Variants in SP140 observed in about 807,000 individuals in gnomAD.
SP140 encodes nuclear body protein SP140.
In SP140, 81 loss-of-function variants were observed where a neutral mutation model predicts 125.0. The observed-to-expected ratio is 0.65, with a 90% CI of 0.54 to 0.78. SP140 has a LOEUF of 0.78. Among genes scored for constraint, SP140 ranks in the 30% least tolerant of loss-of-function variants. The pLI, the probability that SP140 is intolerant of heterozygous loss-of-function variation, is 0.00. For synonymous variants in SP140, 312 were observed against 354.0 expected (o/e 0.88, Z 1.33); for missense variants, 858 against 1,037.0 (o/e 0.83, Z 2.37).
rs2044522608 is a variant in SP140 at position 230,211,894 on chromosome 2, A to G, written c.-322-1760A>G. On this transcript the variant is annotated intron_variant, in intron 1 of 4. Coordinates refer to the SP140 transcript ENST00000456542. This position sits in a 1 kb window ranked among gnomAD's most constrained non-coding sequence, Gnocchi z 4.2. ...TTTTGACAATGCCCAATATCATACC[A>G]TTCTTACGTTTAATGTAATCAAACT... Among the ~76,000 whole-genome samples, 1 of 152,202 alleles carries G rather than the reference A, an allele frequency of 6.6e-6. No homozygotes were observed. Among genetic ancestry groups the G allele is most frequent in the Admixed American group, 6.5e-5 (1 of 15,276 alleles).
intron 3 of SP140, among the ~76,000 whole-genome samples, chr2:230,215,812 A>G (rs561322919): frequency 6.6e-6 from 1 of 152,336 alleles, no homozygotes; most frequent in Admixed American, 6.5e-5. Flanking sequence ...ATAAACACAA[A>G]TAAATACCCA....
intron 3 of SP140, chr2:230,220,161 T>C (rs1278516767): frequency 4.9e-6 from 4 of 820,404 alleles, no homozygotes; most frequent in African/African-American, 3.7e-5. Context: ...GGAGGGCGTG[T>C]TGCCAGTTGG....
intron 22 of SP140, among the ~76,000 whole-genome samples, chr2:230,302,451 G>A (rs560894391): frequency 4.6e-5 from 7 of 152,224 alleles, no homozygotes; most frequent in East Asian, 3.9e-4. Flanking sequence ...GATGGCAACA[G>A]AATGATACTG....
At chr2:230,286,626 T>C (rs183489989) in intron 17 of SP140, among the ~76,000 whole-genome samples, 2 of 152,312 alleles carry the variant, frequency 1.3e-5, no homozygotes, top group East Asian at 3.9e-4. Context: ...CAGCTTGACT[T>C]ATTTTGAAAG....
In SP140 at chr2:230,305,289, CTT is replaced by C. The variant is rs533235095; in HGVS notation, c.2059-4632_2059-4631del. ...GCATGGATGTGGTGAAAATGGAACA[CTT>C]TTACACTTCTGGTGGGAATGTAAAC... is the stretch of plus-strand genomic sequence containing the variant. On this transcript the variant is annotated intron_variant, in intron 22 of 26. Transcript: ENST00000392045. Among the ~76,000 whole-genome samples, 99 of 152,350 alleles carry C rather than the reference CTT, an allele frequency of 6.5e-4. 3 individuals are homozygous for C. The South Asian group carries it at 0.02, about 30-fold the overall frequency.
chr2:230,310,315 C>T (rs2059221253), intron 23 of SP140: 5 of 500,756 alleles, frequency 1.0e-5, no homozygotes, highest in East Asian at 3.7e-5. Flanking sequence ...TGAAGTTTTG[C>T]AGCTGGGTGG....
intron 1 of SP140, chr2:230,209,926 CT>C: frequency 6.4e-7 from 1 of 1,570,950 alleles, no homozygotes; most frequent in Non-Finnish European, 8.8e-7. Flanking sequence ...AAAGGCTTTT[CT>C]TACCTTTCTT....
intron 2 of SP140, chr2:230,213,902 A>AG (rs1251889755): frequency 6.6e-6 from 1 of 152,292 alleles, no homozygotes; most frequent in Non-Finnish European, 1.5e-5. Flanking sequence ...CCCTACCTGG[A>AG]GGTGGACTTG....
intron 15 of SP140, chr2:230,270,976 A>G: frequency 2.6e-6 from 1 of 383,734 alleles, no homozygotes; most frequent in Non-Finnish European, 5.0e-6. Flanking sequence ...TGGAAGAATC[A>G]TCAGAAATAT....
In SP140 at chr2:230,294,327, T is replaced by C; in HGVS notation, c.2016+9T>C. The C allele has an allele frequency of 1.3e-6, 2 of 1,597,846 alleles. No homozygotes were observed. Among genetic ancestry groups the C allele is most frequent in the East Asian group, 2.2e-5 (1 of 44,786 alleles). On this transcript the variant is annotated intron_variant, in intron 21 of 26. Coordinates refer to ENST00000392045, the MANE Select transcript of SP140 (RefSeq NM_007237.5). ...GTTACAGGAAAAAAAAGGTGATTAT[T>C]ACATAGCTTTATACAGCTTCTTGTC...
chr2:230,271,362 G>A (rs74872329), intron 15 of SP140, among the ~76,000 whole-genome samples: 3 of 152,254 alleles, frequency 2.0e-5, no homozygotes, highest in East Asian at 3.9e-4. Flanking sequence ...GTAGTCCTTA[G>A]TAGAAACATG....
chr2:230,201,287 G>A (rs761930912), upstream of SP140, among the ~76,000 whole-genome samples: 22 of 152,198 alleles, frequency 1.4e-4, no homozygotes, highest in Admixed American at 7.2e-4. Flanking sequence ...CTGTCAAACC[G>A]TTTCAGAAAA....
intron 15 of SP140, among the ~76,000 whole-genome samples, chr2:230,272,604 C>CACA (rs2054097817): frequency 6.6e-6 from 1 of 152,136 alleles, no homozygotes; most frequent in South Asian, 2.1e-4. Flanking sequence ...GATTGTGAGG[C>CACA]TTCCCCAGCC....
intron 20 of SP140, among the ~76,000 whole-genome samples, chr2:230,293,529 GT>G (rs1559347784): frequency 6.6e-6 from 1 of 151,942 alleles, no homozygotes; most frequent in African/African-American, 2.4e-5. Context: ...TAGAAATGGG[GT>G]TTTGTCACGT....
intron 3 of SP140, chr2:230,214,960 G>T: frequency 6.2e-7 from 1 of 1,613,898 alleles, no homozygotes; most frequent in Non-Finnish European, 8.5e-7. Context: ...CACGTTTGAA[G>T]CTTCTGTAAA....
intron 5 of SP140, among the ~76,000 whole-genome samples, chr2:230,244,615 G>A (rs997411541): frequency 6.6e-6 from 1 of 152,132 alleles, no homozygotes; most frequent in African/African-American, 2.4e-5. Flanking sequence ...TCTGCCATGT[G>A]GGATGCAAGA....
chr2:230,227,035 A>G (rs934059270), intron 1 of SP140, among the ~76,000 whole-genome samples: 10 of 152,166 alleles, frequency 6.6e-5, no homozygotes, highest in African/African-American at 2.4e-4. Flanking sequence ...CACCTTTTAT[A>G]TCAGGGACTT....
intron 1 of SP140, among the ~76,000 whole-genome samples, chr2:230,233,560 T>A (rs1024587774): frequency 2.0e-5 from 3 of 152,212 alleles, no homozygotes; most frequent in Admixed American, 2.0e-4. Context: ...GAACTGGCTT[T>A]TGTTTATTGG....
At chr2:230,251,092 C>A in intron 10 of SP140, 31 bp downstream of exon 10, 1 of 1,579,374 alleles carries the variant, frequency 6.3e-7, no homozygotes, top group Non-Finnish European at 8.7e-7. Context: ...TGGCCCTGGG[C>A]TGCAGAGTGT....
Sources: allele counts gnomAD v4.1 joint callset (sites outside exome capture counted in the v4.1 genomes callset), GRCh38; gene constraint gnomAD v4.1.1; non-coding constraint Gnocchi (gnomAD v3.1); transcripts MANE v1.5; gene names NCBI Gene and HGNC (gene_info 2026-07-23, HGNC 2026-07-21).